Variants in TTBK2 observed in about 807,000 individuals in gnomAD.
TTBK2 encodes the protein tau-tubulin kinase 2.
Under a neutral mutation model 110.8 loss-of-function variants are expected in TTBK2, and 28 were observed. That is an observed-to-expected ratio of 0.25 (90% CI 0.19 to 0.35). The LOEUF is 0.35. Ranked by LOEUF, TTBK2 falls within the 10% of genes least tolerant of loss-of-function variation. The probability of loss-of-function intolerance (pLI) is 1.00; values close to 1 mark genes in which losing one functional copy is unlikely to be tolerated. For missense variants in TTBK2, 1,369 were observed against 1,500.3 expected (o/e 0.91, Z 1.45); for synonymous variants, 532 against 527.3 (o/e 1.01, Z -0.12).
In TTBK2 at chr15:42,880,922, T is replaced by TA. The variant is rs201229257; in HGVS notation, c.-67-2239dup. Among the ~76,000 whole-genome samples, 1,166 of 148,940 alleles carry TA rather than the reference T, an allele frequency of 7.8e-3. 11 individuals carry two copies. The highest frequency in any genetic ancestry group is 0.024 in the Middle Eastern group (7 of 290). ...CAAAAACCTATGGAACTAAAAAAAT[T>TA]AAAAAAAAAATAAAATAAACCATTG... is the stretch of plus-strand genomic sequence containing the variant. On this transcript the variant is annotated intron_variant, in intron 1 of 14. Coordinates refer to ENST00000267890, the MANE Select transcript of TTBK2 (RefSeq NM_173500.4).
At chr15:42,777,957 G>C (rs1012409277) in intron 11 of TTBK2, among the ~76,000 whole-genome samples, 2 of 151,688 alleles carry the variant, frequency 1.3e-5, no homozygotes, top group Non-Finnish European at 2.9e-5. Flanking sequence ...TTCCTTGAAG[G>C]AAAGTTTCCC....
chr15:42,851,934 A>C (rs1893732619), intron 3 of TTBK2, among the ~76,000 whole-genome samples: 1 of 152,156 alleles, frequency 6.6e-6, no homozygotes, highest in African/African-American at 2.4e-5. Context: ...TTATGCACGA[A>C]CTGGATATTA....
chr15:42,911,104 C>T (rs1372078106), intron 1 of TTBK2, among the ~76,000 whole-genome samples: 2 of 150,880 alleles, frequency 1.3e-5, no homozygotes, highest in East Asian at 3.9e-4. Context: ...TTTGTAAGGG[C>T]CAAATGCATA....
intron 3 of TTBK2, 84 bp downstream of exon 3, chr15:42,872,527 G>A: frequency 6.7e-7 from 1 of 1,503,100 alleles, no homozygotes. Flanking sequence ...AGTACTTAAA[G>A]AATGTAATTA....
chr15:42,897,863 CA>C (rs1895729098), intron 1 of TTBK2, among the ~76,000 whole-genome samples: 1 of 145,430 alleles, frequency 6.9e-6, no homozygotes, highest in South Asian at 2.2e-4. Context: ...CACACACACA[CA>C]CGGAACTTCC....
intron 3 of TTBK2, among the ~76,000 whole-genome samples, chr15:42,868,221 G>T (rs534040741): frequency 6.6e-6 from 1 of 152,046 alleles, no homozygotes; most frequent in South Asian, 2.1e-4. Flanking sequence ...AACTTAAATG[G>T]GTTTATCAGG....
chr15:42,885,703 T>TG (rs959745600), intron 1 of TTBK2, among the ~76,000 whole-genome samples: 9 of 152,050 alleles, frequency 5.9e-5, no homozygotes, highest in African/African-American at 2.2e-4. Flanking sequence ...TCCACTTTCC[T>TG]GGGGGGCAAG....
Position 42,752,306 on chromosome 15 carries a change from C to G in TTBK2, c.2940G>C (p.Lys980Asn). The change falls in exon 14 of 15, where the codon AAG becomes AAC. Residue 980 changes from lysine (K) to asparagine (N), a missense_variant. Lys to Asn is a moderately conservative substitution (Grantham distance 94, BLOSUM62 0). Around this residue, in one of 4 missense-constraint regions of TTBK2, gnomAD observed 1,097 missense variants for 1,114.7 expected, o/e 0.98. Transcript: ENST00000267890. Reference sequence around the variant, plus strand: ...TGAATTGTCTTTTTTCCACCAGAAGCTTGACTAGGTCTGGCTGATAGGCTT... The same window carrying G: ...TGAATTGTCTTTTTTCCACCAGAAGGTTGACTAGGTCTGGCTGATAGGCTT... ...QKKAYQPDLV[K>N]LLVEKRQFKS... 6.2e-7 allele frequency: 1 copy of G among 1,614,204 alleles called. No homozygotes were observed. The highest frequency in any genetic ancestry group is 8.5e-7 in the Non-Finnish European group (1 of 1,180,034).
intron 2 of TTBK2, 63 bp from the exon 3 acceptor site, chr15:42,872,821 TG>T: frequency 6.3e-7 from 1 of 1,578,096 alleles, no homozygotes; most frequent in East Asian, 2.2e-5. Context: ...TGAAAGCAAT[TG>T]ATCTCTTATA....
At chr15:42,807,264 TGA>T (rs1191888080) in intron 9 of TTBK2, among the ~76,000 whole-genome samples, 1 of 152,164 alleles carries the variant, frequency 6.6e-6, no homozygotes, top group Non-Finnish European at 1.5e-5. Flanking sequence ...GTGAACTGGT[TGA>T]GATACACATT....
Position 42,856,048 on chromosome 15 carries a change from G to A in TTBK2, c.218-15615C>T, listed in dbSNP as rs114028522. Among the ~76,000 whole-genome samples, 689 of 152,232 alleles carry A rather than the reference G, an allele frequency of 4.5e-3. 8 individuals are homozygous for A. Among genetic ancestry groups the A allele is most frequent in the African/African-American group, 0.016 (663 of 41,532 alleles). On this transcript the variant is annotated intron_variant, in intron 3 of 14. Transcript: ENST00000267890. ...GAAGAAAACTCAATCCCTTTATCCT[G>A]TCCTTCCTATACTAACTATATTTCA...
chr15:42,742,764 C>T lies in TTBK2; in HGVS notation c.*3031G>A, dbSNP rs1033005469. 1 of 152,128 alleles carries T rather than the reference C, an allele frequency of 6.6e-6. No individual in the cohort carries two copies. Among genetic ancestry groups the T allele is most frequent in the Non-Finnish European group, 1.5e-5 (1 of 68,024 alleles). The allele number at this position is 152,128 out of a possible 1,614,324, so 9.4% of individuals were successfully genotyped here. On this transcript the variant is annotated 3_prime_UTR_variant, in exon 15 of 15. Coordinates refer to ENST00000267890, the MANE Select transcript of TTBK2 (RefSeq NM_173500.4). ...CTACTTTTAGTATAGTTTGGCTTGA[C>T]CTTAATAGCCATGTCCCTCATCTTA...
chr15:42,919,508 G>A (rs1412908116), intron 1 of TTBK2, among the ~76,000 whole-genome samples: 1 of 152,174 alleles, frequency 6.6e-6, no homozygotes, highest in Non-Finnish European at 1.5e-5. Flanking sequence ...AACACACTGA[G>A]TGGATCCTCC....
chr15:42,777,278 T>G lies in TTBK2; in HGVS notation c.1198-36A>C, dbSNP rs374715957. 376 of 1,595,804 alleles carry G rather than the reference T, an allele frequency of 2.4e-4. 1 individual carries two copies. Among genetic ancestry groups the G allele is most frequent in the Non-Finnish European group, 3.1e-4 (361 of 1,165,734 alleles). ...TATAAAATAAAATCATGAAAAACAT[T>G]CTAGGCAACACACATGAGAGGAATC... On this transcript the variant is annotated intron_variant, in intron 11 of 14. Transcript: ENST00000267890.
Position 42,744,218 on chromosome 15 carries a change from G to A in TTBK2, c.*1577C>T, listed in dbSNP as rs1259514307. ...GTTATATGCCTCAATAGTGTTTTGA[G>A]TTTGTTTTTTTAAAAAGCTCAACAC... On this transcript the variant is annotated 3_prime_UTR_variant, in exon 15 of 15. Coordinates refer to ENST00000267890, the MANE Select transcript of TTBK2 (RefSeq NM_173500.4). 1.3e-5 allele frequency: 2 copies of A among 152,138 alleles called. No individual in the cohort carries two copies. The highest frequency in any genetic ancestry group is 2.9e-5 in the Non-Finnish European group (2 of 68,032). 9.4% of individuals were successfully genotyped at this position (152,138 alleles called of 1,614,324 possible). A position where few individuals can be genotyped will look rare whatever the true frequency, so the allele number is the denominator to read the frequency against.
intron 3 of TTBK2, among the ~76,000 whole-genome samples, chr15:42,858,826 T>C (rs1462175466): frequency 6.6e-6 from 1 of 152,186 alleles, no homozygotes; most frequent in Non-Finnish European, 1.5e-5. Context: ...ACTTCAGGGG[T>C]ACCTAGTCAT....
At chr15:42,802,986 C>G (rs955457724) in intron 9 of TTBK2, among the ~76,000 whole-genome samples, 4 of 152,228 alleles carry the variant, frequency 2.6e-5, no homozygotes, top group Non-Finnish European at 5.9e-5. Context: ...CCTCCAACAT[C>G]AGACTCCAAG....
At chr15:42,841,595 A>G (rs530550866) in intron 3 of TTBK2, among the ~76,000 whole-genome samples, 1 of 152,282 alleles carries the variant, frequency 6.6e-6, no homozygotes, top group South Asian at 2.1e-4. Flanking sequence ...AAGTATCGAA[A>G]AGATTTTAAG....
At chr15:42,774,144 C>T (rs1889797737) in intron 13 of TTBK2, among the ~76,000 whole-genome samples, 1 of 152,118 alleles carries the variant, frequency 6.6e-6, no homozygotes, top group African/African-American at 2.4e-5. Context: ...GTATCTTTTC[C>T]CACTGTTTTG....
Sources: allele counts gnomAD v4.1 joint callset (sites outside exome capture counted in the v4.1 genomes callset), GRCh38; gene constraint gnomAD v4.1.1; regional missense constraint gnomAD v4.1.1; transcripts MANE v1.5; gene names NCBI Gene and HGNC (gene_info 2026-07-23, HGNC 2026-07-21).